Variants in CHRM2 observed in about 807,000 individuals in gnomAD.
CHRM2 encodes cholinergic receptor muscarinic 2.
In CHRM2, 8 loss-of-function variants were observed where a neutral mutation model predicts 25.0. The ratio of observed to expected loss-of-function variants is 0.32; its 90% CI spans 0.19 to 0.58. CHRM2 has a LOEUF of 0.58. Ranked by LOEUF, CHRM2 falls within the 20% of genes least tolerant of loss-of-function variation. CHRM2 has a pLI of 0.88. For missense variants in CHRM2, 440 were observed against 567.1 expected, an observed-to-expected ratio of 0.78 and a Z score of 2.28; for synonymous variants, 202 against 205.7, an observed-to-expected ratio of 0.98 and a Z score of 0.15.
At chr7:136,954,910 C>A (rs1231843780) in intron 2 of CHRM2, among the ~76,000 whole-genome samples, 1 of 152,142 alleles carries the variant, frequency 6.6e-6, no homozygotes, top group African/African-American at 2.4e-5. Context: ...CTGCTAAAGA[C>A]CACAGCTCTT....
At chr7:136,949,325 A>G (rs187289437) in intron 2 of CHRM2, among the ~76,000 whole-genome samples, 8 of 152,216 alleles carry the variant, frequency 5.3e-5, no homozygotes, top group Admixed American at 5.2e-4. Flanking sequence ...AGTGCTTAAT[A>G]TAAAACTCCA....
intron 2 of CHRM2, among the ~76,000 whole-genome samples, chr7:136,934,867 A>G (rs1799324728): frequency 6.6e-6 from 1 of 152,012 alleles, no homozygotes; most frequent in Admixed American, 6.6e-5. Context: ...ACCAAAAAAA[A>G]AAATGTAATT....
intron 2 of CHRM2, among the ~76,000 whole-genome samples, chr7:136,911,162 T>G (rs1162447476): frequency 6.6e-6 from 1 of 151,924 alleles, no homozygotes; most frequent in African/African-American, 2.4e-5. Flanking sequence ...AGCAATGATA[T>G]GGATAAAAAA....
At chr7:136,998,949 G>A (rs1008130233) in intron 3 of CHRM2, among the ~76,000 whole-genome samples, 1 of 152,106 alleles carries the variant, frequency 6.6e-6, no homozygotes, top group African/African-American at 2.4e-5. Context: ...ACGCCAAATA[G>A]GTAGTTTGCA....
At chr7:136,884,735 G>A (rs1220336847) in intron 2 of CHRM2, among the ~76,000 whole-genome samples, 1 of 152,218 alleles carries the variant, frequency 6.6e-6, no homozygotes, top group Non-Finnish European at 1.5e-5. Flanking sequence ...GTTTGGAACT[G>A]TGAGAGGACA....
chr7:136,953,348 C>T (rs954787746), intron 2 of CHRM2, among the ~76,000 whole-genome samples: 4 of 152,006 alleles, frequency 2.6e-5, no homozygotes, highest in African/African-American at 7.2e-5. Flanking sequence ...CCTTCAGAGA[C>T]CTCAGTAGAG....
At chr7:136,993,420 T>C (rs774940775) in intron 3 of CHRM2, among the ~76,000 whole-genome samples, 2 of 152,206 alleles carry the variant, frequency 1.3e-5, no homozygotes, top group Admixed American at 6.5e-5. Context: ...CCTTTGACAG[T>C]GGGCCAATTG....
At chr7:136,952,862 G>A (rs1336640360) in intron 2 of CHRM2, among the ~76,000 whole-genome samples, 1 of 152,026 alleles carries the variant, frequency 6.6e-6, no homozygotes, top group Non-Finnish European at 1.5e-5. Context: ...AAGGATAATG[G>A]CCTCTAGTTT....
chr7:136,887,118 C>T (rs1364492), intron 2 of CHRM2, among the ~76,000 whole-genome samples: 21,316 of 152,100 alleles, frequency 0.14, 2,071 homozygotes, highest in African/African-American at 0.26. Context: ...ATTATAGCTG[C>T]TCTTGCCATA....
At chr7:136,946,556 G>C (rs1426792597) in intron 2 of CHRM2, among the ~76,000 whole-genome samples, 4 of 152,142 alleles carry the variant, frequency 2.6e-5, no homozygotes, top group Non-Finnish European at 4.4e-5. Flanking sequence ...TGAAAGTCCA[G>C]TGGGAAAAAC....
intron 2 of CHRM2, among the ~76,000 whole-genome samples, chr7:136,991,107 T>A (rs1259788906): frequency 7.2e-5 from 11 of 152,182 alleles, no homozygotes; most frequent in Admixed American, 7.2e-4. Flanking sequence ...CTTCACATTG[T>A]CATTCACAGA....
chr7:136,892,669 TTC>T (rs1346869500), intron 2 of CHRM2, among the ~76,000 whole-genome samples: 1 of 125,304 alleles, frequency 8.0e-6, no homozygotes, highest in Admixed American at 7.5e-5. Flanking sequence ...TTATTAAAAG[TTC>T]TTTTTTTTTT....
intron 2 of CHRM2, among the ~76,000 whole-genome samples, chr7:136,921,115 G>A (rs568327510): frequency 3.9e-5 from 6 of 152,032 alleles, no homozygotes; most frequent in East Asian, 1.9e-4. Context: ...CTCTCCTGTC[G>A]CTCAAACCTT....
chr7:136,898,677 A>G (rs1461255761), intron 2 of CHRM2: 1 of 152,116 alleles, frequency 6.6e-6, no homozygotes, highest in East Asian at 1.9e-4. Context: ...TCTGGTATAT[A>G]GTAAATAGAA....
chr7:136,893,882 C>A (rs896290325), intron 2 of CHRM2, among the ~76,000 whole-genome samples: 1 of 152,160 alleles, frequency 6.6e-6, no homozygotes, highest in African/African-American at 2.4e-5. Context: ...TATAAATGAA[C>A]ACTGGGCCTA....
chr7:136,939,573 C>T (rs7800170), intron 2 of CHRM2, among the ~76,000 whole-genome samples: 42 of 152,118 alleles, frequency 2.8e-4, no homozygotes, highest in African/African-American at 1.0e-3. Flanking sequence ...TTCCTCTTTA[C>T]AATAAGATTC....
chr7:136,952,687 C>A (rs1800486226), intron 2 of CHRM2, among the ~76,000 whole-genome samples: 1 of 151,922 alleles, frequency 6.6e-6, no homozygotes, highest in Non-Finnish European at 1.5e-5. Flanking sequence ...AGCCTAATAC[C>A]CATTAGTTGT....
chr7:136,976,627 G>A (rs949536462), intron 2 of CHRM2, among the ~76,000 whole-genome samples: 3 of 152,158 alleles, frequency 2.0e-5, no homozygotes, highest in African/African-American at 7.2e-5. Context: ...AAAACCTGCT[G>A]AGAAACCACA....
At chr7:136,985,156 G>A (rs1479369024) in intron 2 of CHRM2, among the ~76,000 whole-genome samples, 1 of 152,144 alleles carries the variant, frequency 6.6e-6, no homozygotes, top group African/African-American at 2.4e-5. Context: ...AGCTGCACAT[G>A]TGAGCACATA....
Sources: gnomAD v4.1 joint callset for allele counts (sites outside exome capture counted in the v4.1 genomes callset) on GRCh38, gnomAD v4.1.1 for gene constraint, MANE v1.5 for transcripts, NCBI Gene and HGNC (gene_info 2026-07-23, HGNC 2026-07-21) for gene names.